MOB1A: variants seen among roughly 807,000 people sequenced by gnomAD.
MOB1A encodes the protein MOB1 Mps One Binder homolog A.
A neutral mutation model predicts 25.1 loss-of-function variants in MOB1A; 10 were observed. The ratio of observed to expected loss-of-function variants is 0.40; its 90% confidence interval spans 0.25 to 0.68. MOB1A has a LOEUF of 0.68. Ranked by LOEUF, MOB1A falls within the 30% of genes least tolerant of loss-of-function variation. The pLI, the probability that MOB1A is intolerant of heterozygous loss-of-function variation, is 0.40. For missense variants in MOB1A, 177 were observed against 256.3 expected (o/e 0.69, Z 2.11); for synonymous variants, 81 against 79.5 (o/e 1.02, Z -0.10).
chr2:74,172,879 T>TGGTG (rs1219630100), intron 1 of MOB1A, 127 bp from the exon 2 acceptor site: 27 of 988,680 alleles, frequency 2.7e-5, no homozygotes, highest in Non-Finnish European at 2.3e-5. Context: ...GGGCCAGGCA[T>TGGTG]GGTGGCTCAT....
chr2:74,167,231 C>A, intron 2 of MOB1A, 124 bp from the exon 3 acceptor site: 1 of 667,056 alleles, frequency 1.5e-6, no homozygotes, highest in South Asian at 1.8e-5. Flanking sequence ...TTCAATAATC[C>A]AATGATACTG....
rs1285098624 is a variant in MOB1A, at chr2:74,154,987, T to C, written c.*1581A>G. 4 of 152,198 alleles carry C rather than the reference T, an allele frequency of 2.6e-5. No homozygotes were observed. Among genetic ancestry groups the C allele is most frequent in the African/African-American group, 9.7e-5 (4 of 41,448 alleles). The allele number at this position is 152,198 out of a possible 1,614,324, so 9.4% of individuals were successfully genotyped here. ...AGGAAATGATTATTTAAAATGGAGT[T>C]TCTAAGTAATTATTTTCTTTATAGT... On this transcript the variant is annotated 3_prime_UTR_variant, in exon 6 of 6. Coordinates refer to ENST00000396049, the MANE Select transcript of MOB1A (RefSeq NM_018221.5).
At chr2:74,160,919 C>T (rs897324183) in intron 4 of MOB1A, among the ~76,000 whole-genome samples, 12 of 151,496 alleles carry the variant, frequency 7.9e-5, no homozygotes, top group Admixed American at 2.0e-4. Flanking sequence ...ATTAGCCAGA[C>T]GTGGTGACTA....
intron 5 of MOB1A, among the ~76,000 whole-genome samples, chr2:74,158,778 CAAAA>C (rs58720139): frequency 2.4e-5 from 2 of 82,018 alleles, no homozygotes; most frequent in African/African-American, 4.0e-5. Context: ...GACCCTGTCT[CAAAA>C]AAAAAAAAAA....
rs1558835307 is a variant in MOB1A, at chr2:74,167,066, T to C, written c.223A>G (p.Ile75Val). 4 of 1,613,982 alleles carry C rather than the reference T, an allele frequency of 2.5e-6. No homozygotes were observed. The highest frequency in any genetic ancestry group is 4.5e-5 in the East Asian group (2 of 44,880). ...CTTGCTTCAGTGCAGAATTCTGTAA[T>C]AGTTCCATATAACATGTTGATCTGG... ...FNQINMLYGT[I>V]TEFCTEASCP... Residue 75 changes from isoleucine (I) to valine (V), a missense_variant, in exon 3 of 6, where the codon ATT becomes GTT. Ile to Val is a conservative substitution (Grantham distance 29). Coordinates refer to ENST00000396049, the MANE Select transcript of MOB1A (RefSeq NM_018221.5).
chr2:74,178,715 G>A lies in MOB1A; in HGVS notation c.-41C>T. 2.4e-6 allele frequency: 3 copies of A among 1,225,052 alleles called. No homozygotes were observed. The highest frequency in any genetic ancestry group is 2.5e-5 in the South Asian group (1 of 39,464). 75.9% of individuals were successfully genotyped at this position (1,225,052 alleles called of 1,614,324 possible). A position where few individuals can be genotyped will look rare whatever the true frequency, so the allele number is the denominator to read the frequency against. The stretch of plus-strand genomic sequence containing the variant: ...GGGAGGCGAGGGGCCCCTGGCCCCC[G>A]CCTGGATCAGGATTCGGAGCTGGCT... On this transcript the variant is annotated 5_prime_UTR_variant, in exon 1 of 6. Transcript: ENST00000396049.
intron 1 of MOB1A, among the ~76,000 whole-genome samples, chr2:74,174,383 C>G (rs1693392171): frequency 6.6e-6 from 1 of 151,984 alleles, no homozygotes; most frequent in South Asian, 2.1e-4. Context: ...ATTTCTTGAG[C>G]CCAGGAGTTT....
At chr2:74,169,372 C>T (rs1320753843) in intron 2 of MOB1A, among the ~76,000 whole-genome samples, 2 of 152,028 alleles carry the variant, frequency 1.3e-5, no homozygotes, top group Non-Finnish European at 2.9e-5. Flanking sequence ...CATGGTAGCA[C>T]ATGCCTGTAA....
chr2:74,159,442 T>G (rs3762480), intron 4 of MOB1A, among the ~76,000 whole-genome samples, 188 bp from the exon 5 acceptor site: 1 of 151,816 alleles, frequency 6.6e-6, no homozygotes, highest in South Asian at 2.1e-4. Context: ...CACGCCACCA[T>G]GCCCAGCTAA....
At chr2:74,178,534 G>A in intron 1 of MOB1A, 127 bp downstream of exon 1, 1 of 610,942 alleles carries the variant, frequency 1.6e-6, no homozygotes, top group Non-Finnish European at 2.5e-6. Context: ...CCGAACAGAG[G>A]CAAAACAAAC....
chr2:74,178,652 C>T lies in MOB1A; in HGVS notation c.14+9G>A. The T allele has an allele frequency of 7.2e-7, 1 of 1,381,850 alleles. No homozygotes were observed. Among genetic ancestry groups the T allele is most frequent in the South Asian group, 1.7e-5 (1 of 57,828 alleles). The allele number at this position is 1,381,850 out of a possible 1,614,324, so 85.6% of individuals were successfully genotyped here. On this transcript the variant is annotated intron_variant, in intron 1 of 5. Transcript: ENST00000396049. The stretch of plus-strand genomic sequence containing the variant: ...GCAGGCCCGGCGCCCGCGGCCCGAC[C>T]CCACTCACAAGAGGAAGCTCATCTT...
chr2:74,162,414 G>A (rs1256933109), intron 4 of MOB1A, among the ~76,000 whole-genome samples: 1 of 152,068 alleles, frequency 6.6e-6, no homozygotes, highest in East Asian at 1.9e-4. Context: ...CCAGGAAGTG[G>A]AGGTTGCAGT....
rs562813257 is a variant in MOB1A, at chr2:74,153,547, A to T, written c.*3021T>A. ...AAAAACTTTGCTGGAAGCCCTGTAA[A>T]AATCACTTTATTCACAATCTGAAGA... On this transcript the variant is annotated 3_prime_UTR_variant, in exon 6 of 6. Coordinates refer to ENST00000396049, the MANE Select transcript of MOB1A (RefSeq NM_018221.5). The T allele has an allele frequency of 6.6e-6, 1 of 152,360 alleles. No homozygotes were observed. Among genetic ancestry groups the T allele is most frequent in the African/African-American group, 2.4e-5 (1 of 41,582 alleles). 9.4% of individuals were successfully genotyped at this position (152,360 alleles called of 1,614,324 possible).
At chr2:74,173,056 A>G (rs1043355085) in intron 1 of MOB1A, 2 of 450,460 alleles carry the variant, frequency 4.4e-6, no homozygotes, top group African/African-American at 4.0e-5. Flanking sequence ...GAATGGCTTG[A>G]ACCTGGGAGG....
chr2:74,156,270 G>C lies in MOB1A; in HGVS notation c.*298C>G. The C allele has an allele frequency of 4.0e-6, 1 of 251,598 alleles. No individual in the cohort carries two copies. Among genetic ancestry groups the C allele is most frequent in the Non-Finnish European group, 7.6e-6 (1 of 132,284 alleles). 15.6% of individuals were successfully genotyped at this position (251,598 alleles called of 1,614,324 possible). ...GAAATGACTGAGTAAATGAGTAAAA[G>C]AATAATAAGTAAATTTATAAGCTAC... On this transcript the variant is annotated 3_prime_UTR_variant, in exon 6 of 6. Coordinates refer to ENST00000396049, the MANE Select transcript of MOB1A (RefSeq NM_018221.5).
chr2:74,158,504 T>C (rs1692866277), intron 5 of MOB1A, among the ~76,000 whole-genome samples: 1 of 152,150 alleles, frequency 6.6e-6, no homozygotes, highest in Non-Finnish European at 1.5e-5. Context: ...AAAGTTCCAA[T>C]TCTGGCCGGG....
intron 4 of MOB1A, 40 bp from the exon 5 acceptor site, chr2:74,159,294 C>T (rs751529797): frequency 6.3e-7 from 1 of 1,575,368 alleles, no homozygotes; most frequent in Non-Finnish European, 8.7e-7. Context: ...ATTTGGTTAT[C>T]TAACAGTAGA....
intron 1 of MOB1A, among the ~76,000 whole-genome samples, chr2:74,174,867 T>G (rs1217134450): frequency 6.6e-6 from 1 of 152,232 alleles, no homozygotes; most frequent in African/African-American, 2.4e-5. Flanking sequence ...TTCAGAAGTA[T>G]GACAATCAAT....
At chr2:74,174,328 G>A (rs961181101) in intron 1 of MOB1A, among the ~76,000 whole-genome samples, 11 of 151,716 alleles carry the variant, frequency 7.3e-5, no homozygotes, top group Non-Finnish European at 1.3e-4. Flanking sequence ...AAGTGCAGTC[G>A]CTCACACCTC....
Sources: gnomAD v4.1 joint callset for allele counts (sites outside exome capture counted in the v4.1 genomes callset) on GRCh38, gnomAD v4.1.1 for gene constraint, MANE v1.5 for transcripts, NCBI Gene and HGNC (gene_info 2026-07-23, HGNC 2026-07-21) for gene names.